CACNA1C: variants seen among roughly 807,000 people sequenced by gnomAD.
The protein encoded by CACNA1C is voltage-dependent L-type calcium channel subunit alpha-1C.
A neutral mutation model predicts 229.0 loss-of-function variants in CACNA1C; 30 were observed. That is an observed-to-expected ratio of 0.13 (90% CI 0.10 to 0.18). CACNA1C has a LOEUF of 0.18. CACNA1C is among the 10% of genes least tolerant of loss of function. The probability of loss-of-function intolerance (pLI) is 1.00; values close to 1 mark genes in which losing one functional copy is unlikely to be tolerated. For missense variants in CACNA1C, 1,658 were observed against 2,845.0 expected (o/e 0.58, Z 9.49); for synonymous variants, 1,114 against 1,132.5 (o/e 0.98, Z 0.33).
intron 19 of CACNA1C, among the ~76,000 whole-genome samples, 180 bp downstream of exon 19, chr12:2,593,525 A>G (rs2066501627): frequency 6.6e-6 from 1 of 152,080 alleles, no homozygotes; most frequent in Non-Finnish European, 1.5e-5. Flanking sequence ...ACTTGTGTTT[A>G]TTTTTCTCTC....
chr12:2,195,894 A>G (rs755541298), intron 3 of CACNA1C, among the ~76,000 whole-genome samples: 3 of 152,102 alleles, frequency 2.0e-5, no homozygotes, highest in Non-Finnish European at 4.4e-5. Flanking sequence ...ATCCCTGGAG[A>G]TCCCAGCCTT....
rs1466500448 is a variant in CACNA1C, at chr12:2,054,966, C to G, written c.49+1355C>G. On this transcript the variant is annotated intron_variant, in intron 1 of 46. Coordinates refer to ENST00000399655, the MANE Select transcript of CACNA1C (RefSeq NM_000719.7). This position sits in a 1 kb window ranked among gnomAD's most constrained non-coding sequence, Gnocchi z 5.5. ...GGGACAGGGCCTTCACTCTTTAGAG[C>G]CAGAAGCTGCCATCCAGCCTGCCTG... Among the ~76,000 whole-genome samples, 2 of 152,224 alleles carry G rather than the reference C, an allele frequency of 1.3e-5. No homozygotes were observed. Among genetic ancestry groups the G allele is most frequent in the African/African-American group, 4.8e-5 (2 of 41,446 alleles).
chr12:2,238,227 C>G (rs1449257163), intron 3 of CACNA1C, among the ~76,000 whole-genome samples: 4 of 152,182 alleles, frequency 2.6e-5, no homozygotes, highest in African/African-American at 9.7e-5. Context: ...TGTGTATAAA[C>G]TGGGATGTAT....
chr12:2,051,011 G>T (rs1348037689), upstream of CACNA1C, among the ~76,000 whole-genome samples: 4 of 152,096 alleles, frequency 2.6e-5, no homozygotes, highest in Non-Finnish European at 5.9e-5. Flanking sequence ...ACATTTTAGT[G>T]GGGGGATACA....
intron 3 of CACNA1C, among the ~76,000 whole-genome samples, chr12:2,320,105 C>A (rs899313171): frequency 3.3e-5 from 5 of 152,140 alleles, no homozygotes; most frequent in African/African-American, 9.7e-5. Context: ...TTGGGTGTGT[C>A]CCCTGCCTGA....
At chr12:2,355,351 A>G (rs1476110529) in intron 3 of CACNA1C, among the ~76,000 whole-genome samples, 2 of 150,810 alleles carry the variant, frequency 1.3e-5, no homozygotes, top group Non-Finnish European at 2.9e-5. Flanking sequence ...TCCCCCATCC[A>G]GGACCTCCCA....
intron 3 of CACNA1C, among the ~76,000 whole-genome samples, chr12:2,438,290 A>ATGG (rs755702533): frequency 0.052 from 6,381 of 122,408 alleles, 210 homozygotes; most frequent in Admixed American, 0.075. Flanking sequence ...AGTGGTAATG[A>ATGG]TGGTGGTGGT....
intron 3 of CACNA1C, among the ~76,000 whole-genome samples, chr12:2,409,864 T>C (rs2098786595): frequency 6.6e-6 from 1 of 152,038 alleles, no homozygotes; most frequent in African/African-American, 2.4e-5. Context: ...GCAACGCAGG[T>C]GTGATGTACA....
At chr12:2,450,906 C>T (rs1353488597) in intron 4 of CACNA1C, among the ~76,000 whole-genome samples, 1 of 152,216 alleles carries the variant, frequency 6.6e-6, no homozygotes, top group Non-Finnish European at 1.5e-5. Flanking sequence ...CTGGTCTTTA[C>T]TGCAGGAAAT....
intron 10 of CACNA1C, among the ~76,000 whole-genome samples, chr12:2,554,626 C>T (rs923891884): frequency 6.6e-6 from 1 of 152,174 alleles, no homozygotes; most frequent in African/African-American, 2.4e-5. Flanking sequence ...CCGAGGCACC[C>T]GGGCTCCTGG....
chr12:2,232,376 C>T (rs1003349090), intron 3 of CACNA1C, among the ~76,000 whole-genome samples: 1 of 151,696 alleles, frequency 6.6e-6, no homozygotes, highest in Non-Finnish European at 1.5e-5. Context: ...GGAGGGTATG[C>T]ATTTGTTGCA....
At chr12:2,173,574 A>G (rs2096559163) in intron 3 of CACNA1C, among the ~76,000 whole-genome samples, 2 of 152,096 alleles carry the variant, frequency 1.3e-5, no homozygotes, top group Non-Finnish European at 2.9e-5. Flanking sequence ...AGTGAGATGC[A>G]TGCTCTATGT....
chr12:2,612,933 A>G (rs1208770608), intron 29 of CACNA1C: 3 of 152,244 alleles, frequency 2.0e-5, no homozygotes, highest in African/African-American at 4.8e-5. Flanking sequence ...TAGGAGCATC[A>G]TGCAGTTACA....
At chr12:2,255,319 G>A (rs2077021353) in intron 3 of CACNA1C, among the ~76,000 whole-genome samples, 1 of 152,054 alleles carries the variant, frequency 6.6e-6, no homozygotes, top group Non-Finnish European at 1.5e-5. Context: ...TTCCCCAGGT[G>A]TGGGAGTTCT....
intron 38 of CACNA1C, among the ~76,000 whole-genome samples, chr12:2,670,902 T>TA (rs552962979): frequency 4.2e-3 from 556 of 133,222 alleles, no homozygotes; most frequent in Non-Finnish European, 4.7e-3. Flanking sequence ...GCTACTAAAT[T>TA]AAAAAAAAAA....
chr12:2,323,410 G>C (rs982829626), intron 3 of CACNA1C, among the ~76,000 whole-genome samples: 19 of 152,346 alleles, frequency 1.2e-4, no homozygotes, highest in African/African-American at 4.6e-4. Context: ...CAAAGACCAA[G>C]GGAGGAAGTT....
chr12:2,489,461 C>G (rs1260665410), intron 6 of CACNA1C, among the ~76,000 whole-genome samples: 1 of 152,176 alleles, frequency 6.6e-6, no homozygotes, highest in Non-Finnish European at 1.5e-5. Flanking sequence ...ATCTGCAAGG[C>G]GCCTTCTCAG....
chr12:2,177,010 G>A (rs1300527556), intron 3 of CACNA1C, among the ~76,000 whole-genome samples: 4 of 152,192 alleles, frequency 2.6e-5, no homozygotes, highest in South Asian at 4.1e-4. Flanking sequence ...TGGCCAGGTC[G>A]GCTTAATCAA....
intron 3 of CACNA1C, among the ~76,000 whole-genome samples, chr12:2,248,801 T>A (rs1600640219): frequency 6.6e-6 from 1 of 152,060 alleles, no homozygotes; most frequent in African/African-American, 2.4e-5. Context: ...CGGACTTAGG[T>A]TCTATTATGG....
Sources: allele counts gnomAD v4.1 joint callset (sites outside exome capture counted in the v4.1 genomes callset), GRCh38; gene constraint gnomAD v4.1.1; non-coding constraint Gnocchi (gnomAD v3.1); transcripts MANE v1.5; gene names NCBI Gene and HGNC (gene_info 2026-07-23, HGNC 2026-07-21).